The following PRKD3 variants were observed in gnomAD, a reference collection of about 807,000 sequenced individuals.
PRKD3 encodes the protein protein kinase D3.
Under a neutral mutation model 99.2 loss-of-function variants are expected in PRKD3, and 47 were observed. The observed-to-expected ratio is 0.47, with a 90% CI of 0.38 to 0.60. The LOEUF (loss-of-function observed/expected upper bound fraction) is 0.60. Among genes scored for constraint, PRKD3 ranks in the 20% least tolerant of loss-of-function variants. The pLI, the probability that PRKD3 is intolerant of heterozygous loss-of-function variation, is 0.00. For missense variants in PRKD3, 1,019 were observed against 1,088.4 expected, an observed-to-expected ratio of 0.94 and a Z score of 0.90; for synonymous variants, 392 against 355.4, an observed-to-expected ratio of 1.10 and a Z score of -1.16.
Position 37,282,716 on chromosome 2 carries a change from T to G in PRKD3, c.911-97A>C. 3 of 835,180 alleles carry G rather than the reference T, an allele frequency of 3.6e-6. No homozygotes were observed. In the South Asian group the frequency reaches 4.5e-5, roughly 12 times the overall value. 51.7% of individuals were successfully genotyped at this position (835,180 alleles called of 1,614,324 possible). The stretch of plus-strand genomic sequence containing the variant: ...TAAATCACTCACAAACAGAATATTA[T>G]TAGTAATGATGATATTAAAATAATA... On this transcript the variant is annotated intron_variant, in intron 6 of 18. Transcript: ENST00000234179.
Position 37,286,157 on chromosome 2 carries a change from G to T in PRKD3, c.910+20C>A. The T allele has an allele frequency of 1.3e-6, 2 of 1,543,114 alleles. No homozygotes were observed. The highest frequency in any genetic ancestry group is 1.9e-5 in the Admixed American group (1 of 52,806). ...CAAAAACAGACATAAATTTTAATTA[G>T]GGAAAACACCTAATCCTACCTTTAC... On this transcript the variant is annotated intron_variant, in intron 6 of 18. Coordinates refer to ENST00000234179, the MANE Select transcript of PRKD3 (RefSeq NM_005813.6).
intron 2 of PRKD3, among the ~76,000 whole-genome samples, chr2:37,311,479 C>T (rs1021137632): frequency 6.6e-6 from 1 of 152,046 alleles, no homozygotes; most frequent in African/African-American, 2.4e-5. Context: ...AATATTTGTT[C>T]AACTGAAGCA....
intron 5 of PRKD3, 55 bp from the exon 6 acceptor site, chr2:37,286,424 G>A (rs1467817723): frequency 3.5e-6 from 5 of 1,429,216 alleles, no homozygotes; most frequent in Non-Finnish European, 4.8e-6. Context: ...CAGAGTAGTG[G>A]GAGCAGAGCT....
At chr2:37,319,108 T>C (rs1671774573) in intron 1 of PRKD3, among the ~76,000 whole-genome samples, 1 of 152,144 alleles carries the variant, frequency 6.6e-6, no homozygotes, top group Non-Finnish European at 1.5e-5. Context: ...ACCTCATTAA[T>C]CCTCACAGCA....
chr2:37,280,860 C>G (rs1275442964), intron 7 of PRKD3, among the ~76,000 whole-genome samples: 1 of 152,052 alleles, frequency 6.6e-6, no homozygotes, highest in Non-Finnish European at 1.5e-5. Context: ...AATCATATGC[C>G]AGATAAGGGA....
At chr2:37,255,992 A>G (rs967626816) in intron 17 of PRKD3, among the ~76,000 whole-genome samples, 3 of 152,226 alleles carry the variant, frequency 2.0e-5, no homozygotes, top group African/African-American at 7.2e-5. Context: ...CCTGGGTGAC[A>G]GAGGGAGACC....
At position 37,276,069 on chromosome 2, in the gene PRKD3, A is replaced by G. The variant is rs548069668; in HGVS notation, c.1297-225T>C. Among the ~76,000 whole-genome samples, 3 of 152,298 alleles carry G rather than the reference A, an allele frequency of 2.0e-5. No homozygotes were observed. In the South Asian group the frequency reaches 6.2e-4, roughly 32 times the overall value. ...ACCCTTACTCCAGGCAAAGCATGTT[A>G]TCAGGTTTCTGGGAATCCTTGTAGA... On this transcript the variant is annotated intron_variant, in intron 9 of 18. Transcript: ENST00000234179.
At chr2:37,291,050 G>A (rs1165103096) in intron 3 of PRKD3, 51 bp from the exon 4 acceptor site, 2 of 1,457,838 alleles carry the variant, frequency 1.4e-6, no homozygotes, top group Non-Finnish European at 1.8e-6. Flanking sequence ...ACTGCGATGA[G>A]ATTAAGAATG....
Position 37,290,970 on chromosome 2 carries a change from G to C in PRKD3, c.457C>G (p.Arg153Gly). ...ALATVEDFQI[R>G]PHTLYVHSYK... is the part of the protein sequence containing the mutation. Reference sequence around the variant, plus strand: ...GAATGTACATAGAGAGTATGTGGACGAATCTGGAAGTCTTCTACTGTGGCT... The same window carrying C: ...GAATGTACATAGAGAGTATGTGGACCAATCTGGAAGTCTTCTACTGTGGCT... The change falls in exon 4 of 19, where the codon CGT becomes GGT. Residue 153 changes from arginine to glycine, a missense_variant. This residue lies in a region of PRKD3 where 710 missense variants were observed against 692.7 expected (regional missense o/e 1.02). Transcript: ENST00000234179. 6.2e-7 allele frequency: 1 copy of C among 1,608,038 alleles called. No individual in the cohort carries two copies. The highest frequency in any genetic ancestry group is 8.5e-7 in the Non-Finnish European group (1 of 1,176,040).
chr2:37,276,852 CTTTA>C (rs1474139610), intron 9 of PRKD3, among the ~76,000 whole-genome samples: 5 of 146,702 alleles, frequency 3.4e-5, no homozygotes, highest in South Asian at 2.1e-4. Context: ...ATATATATAA[CTTTA>C]TTTTTTTCAA....
chr2:37,312,448 T>C (rs962804549), intron 2 of PRKD3, among the ~76,000 whole-genome samples: 2 of 152,218 alleles, frequency 1.3e-5, no homozygotes, highest in Non-Finnish European at 2.9e-5. Flanking sequence ...AGCTTTTCTA[T>C]CGTACTACAT....
Position 37,316,605 on chromosome 2 carries a change from A to G in PRKD3, c.-81T>C. 6.6e-7 allele frequency: 1 copy of G among 1,522,812 alleles called. No individual in the cohort carries two copies. Among genetic ancestry groups the G allele is most frequent in the East Asian group, 2.3e-5 (1 of 43,954 alleles). The allele number at this position is 1,522,812 out of a possible 1,614,324, so 94.3% of individuals were successfully genotyped here. On this transcript the variant is annotated 5_prime_UTR_variant, in exon 2 of 19. Transcript: ENST00000234179. ...GAGGTTTTTAAAATAACAGCAGTAA[A>G]GAAAATGACCGCACTTTTGGATTTA...
chr2:37,299,535 C>CACAG lies in PRKD3; in HGVS notation c.289-6265_289-6264insCTGT, dbSNP rs1312780949. Among the ~76,000 whole-genome samples the CACAG allele has an allele frequency of 1.3e-4, 20 of 150,958 alleles. 1 individual carries two copies. The highest frequency in any genetic ancestry group is 4.9e-4 in the African/African-American group (20 of 41,124). On this transcript the variant is annotated intron_variant, in intron 2 of 18. Transcript: ENST00000234179. ...ATACACACACACACACACACACACA[C>CACAG]ACACACACACACACACACACACACA... is the stretch of plus-strand genomic sequence containing the variant.
At position 37,295,297 on chromosome 2, in the gene PRKD3, T is replaced by A. The variant is rs577915357; in HGVS notation, c.289-2026A>T. On this transcript the variant is annotated intron_variant, in intron 2 of 18. Transcript: ENST00000234179. ...CAAATAACAAAATTAAAATAAAAAA[T>A]TATAGAAGGAGGAGGAATAAAAAAT... Among the ~76,000 whole-genome samples the A allele has an allele frequency of 2.6e-4, 39 of 151,666 alleles. No individual in the cohort carries two copies. In the East Asian group the frequency reaches 6.8e-3, roughly 26 times the overall value.
intron 8 of PRKD3, chr2:37,278,320 T>C (rs1384455886): frequency 3.0e-5 from 5 of 169,352 alleles, no homozygotes; most frequent in African/African-American, 1.2e-4. Context: ...GGCTTGCTGT[T>C]GAAGAGTTTT....
Position 37,254,262 on chromosome 2 carries a change from T to A in PRKD3, c.2441A>T (p.Gln814Leu). Residue 814 changes from glutamine (Q) to leucine (L), a missense_variant, in exon 18 of 19, where the codon CAA becomes CTA. Physicochemically the swap from Gln to Leu is moderately radical, Grantham distance 113 (BLOSUM62 -2). Transcript: ENST00000234179. The stretch of plus-strand genomic sequence containing the variant: ...ACTGTAACGTTTTCTCATCTTCACT[T>A]GAAGCAGATTGTTTATCAGATCAAT... ...EAIDLINNLLQVKMRKRYSVD... is the reference protein window; with the variant it reads ...EAIDLINNLLLVKMRKRYSVD... 1 of 1,613,430 alleles carries A rather than the reference T, an allele frequency of 6.2e-7. No individual in the cohort carries two copies. Among genetic ancestry groups the A allele is most frequent in the Non-Finnish European group, 8.5e-7 (1 of 1,179,414 alleles).
At chr2:37,263,224 T>G (rs17020386) in intron 14 of PRKD3, among the ~76,000 whole-genome samples, 29,916 of 152,150 alleles carry the variant, frequency 0.2, 3,934 homozygotes, top group East Asian at 0.55. Flanking sequence ...TGCAGTATTT[T>G]CAGGTTTTCT....
Position 37,290,869 on chromosome 2 carries a change from T to C in PRKD3, c.558A>G (p.Glu186=). The C allele has an allele frequency of 6.3e-7, 1 of 1,584,946 alleles. No homozygotes were observed. The highest frequency in any genetic ancestry group is 8.6e-7 in the Non-Finnish European group (1 of 1,166,766). ...WGLVRQGLKC[E]GCGLNYHKRC... is the part of the protein sequence containing the mutation. ...CCACAAAAATTTTAGAACACACACC[T>C]TCACATTTCAGTCCTTGACGTACCA... The change falls in exon 4 of 19, where the codon GAA becomes GAG. Residue 186 remains glutamate, a splice_region_variant and synonymous_variant. Transcript: ENST00000234179.
Position 37,289,363 on chromosome 2 carries a change from C to A in PRKD3, c.710G>T (p.Ser237Ile). 6.2e-7 allele frequency: 1 copy of A among 1,613,718 alleles called. No homozygotes were observed. Among genetic ancestry groups the A allele is most frequent in the Non-Finnish European group, 8.5e-7 (1 of 1,179,884 alleles). Residue 237 changes from serine to isoleucine, a missense_variant, in exon 5 of 19, where the codon AGT (serine) becomes ATT (isoleucine). This residue lies in a region of PRKD3 where 710 missense variants were observed against 692.7 expected (regional missense o/e 1.02). Transcript: ENST00000234179. Reference protein sequence around the residue: ...PLQPEYVALPSEESHVHQEPS... With the variant: ...PLQPEYVALPIEESHVHQEPS... ...TTACCTTAGAATACGTACCTCTTCA[C>A]TGGGAAGGGCTACATATTCAGGCTG... is the stretch of plus-strand genomic sequence containing the variant.
Sources: allele counts gnomAD v4.1 joint callset (sites outside exome capture counted in the v4.1 genomes callset), GRCh38; gene constraint gnomAD v4.1.1; regional missense constraint gnomAD v4.1.1; transcripts MANE v1.5; gene names NCBI Gene and HGNC (gene_info 2026-07-23, HGNC 2026-07-21).